SYT2: variants seen among roughly 807,000 people sequenced by gnomAD.
SYT2 encodes the protein synaptotagmin-2.
In SYT2, 15 loss-of-function variants were observed where a neutral mutation model predicts 39.9. The observed-to-expected ratio is 0.38, with a 90% CI of 0.25 to 0.58. The LOEUF (loss-of-function observed/expected upper bound fraction) is 0.58. Among genes scored for constraint, SYT2 ranks in the 20% least tolerant of loss-of-function variants. The probability of loss-of-function intolerance (pLI) is 0.70; values close to 1 mark genes in which losing one functional copy is unlikely to be tolerated. For synonymous variants in SYT2, 181 were observed against 204.5 expected, an observed-to-expected ratio of 0.89 and a Z score of 0.98; for missense variants, 389 against 530.3, an observed-to-expected ratio of 0.73 and a Z score of 2.62.
chr1:202,600,542 T>C lies in SYT2; in HGVS notation c.802-68A>G. 3.4e-6 allele frequency: 5 copies of C among 1,467,136 alleles called. No homozygotes were observed. In the Admixed American group the frequency reaches 6.7e-5, roughly 20 times the overall value. 90.9% of individuals were successfully genotyped at this position (1,467,136 alleles called of 1,614,324 possible). ...TAGTGCCTCTCTCATGGCTGACCTC[T>C]TTCTTGCCAAAATTAGCAAGGCAGT... On this transcript the variant is annotated intron_variant, in intron 6 of 8. Coordinates refer to ENST00000367268, the MANE Select transcript of SYT2 (RefSeq NM_177402.5).
intron 1 of SYT2, among the ~76,000 whole-genome samples, chr1:202,686,098 C>A (rs1422866885): frequency 7.2e-5 from 11 of 152,120 alleles, no homozygotes; most frequent in Non-Finnish European, 1.5e-5. Flanking sequence ...TGAAATGTAA[C>A]CCCCAATGTT....
chr1:202,599,413 T>G lies in SYT2; in HGVS notation c.920-62A>C, dbSNP rs1425376799. The G allele has an allele frequency of 7.2e-6, 11 of 1,537,110 alleles. No homozygotes were observed. The highest frequency in any genetic ancestry group is 1.7e-6 in the Non-Finnish European group (2 of 1,148,616). On this transcript the variant is annotated intron_variant, in intron 7 of 8. Transcript: ENST00000367268. The surrounding 1 kb of genome is among the most constrained non-coding windows in gnomAD (Gnocchi z 4.4). The stretch of plus-strand genomic sequence containing the variant: ...CTTAGCCCCCAGCCTTCCTGCCGAA[T>G]GTACCAAGGCCTGCCCAGAGCATCG...
chr1:202,691,720 AGGGAGAG>A (rs1558463339), intron 1 of SYT2, among the ~76,000 whole-genome samples: 1 of 30,216 alleles, frequency 3.3e-5, no homozygotes, highest in South Asian at 2.7e-3. Flanking sequence ...GGAGAGGGAG[AGGGAGAG>A]GGGGGGAGAG....
In SYT2 at chr1:202,705,315, G is replaced by A. The variant is rs139230496; in HGVS notation, c.-18+4943C>T. 9.1e-4 allele frequency among the ~76,000 whole-genome samples: 138 copies of A among 152,354 alleles called. 1 individual carries two copies. The East Asian group carries it at 0.014, about 15-fold the overall frequency. On this transcript the variant is annotated intron_variant, in intron 1 of 8. Coordinates refer to ENST00000367268, the MANE Select transcript of SYT2 (RefSeq NM_177402.5). ...GGACTGCAGTGATGAGAGCTTGACC[G>A]CCCTTGTGAGCCGCTCTATCCCCGA...
intron 1 of SYT2, among the ~76,000 whole-genome samples, chr1:202,656,126 GCACA>G (rs10579829): frequency 0.013 from 1,909 of 150,158 alleles, 48 homozygotes; most frequent in African/African-American, 0.044. Flanking sequence ...GCTTTGGAAC[GCACA>G]CACACACACA....
intron 1 of SYT2, among the ~76,000 whole-genome samples, chr1:202,648,844 G>A (rs1692139338): frequency 6.6e-6 from 1 of 152,210 alleles, no homozygotes; most frequent in Non-Finnish European, 1.5e-5. Context: ...CAGGGCTTGA[G>A]GTCAGACAGA....
At chr1:202,611,784 G>A (rs1211539772) in intron 1 of SYT2, among the ~76,000 whole-genome samples, 1 of 152,138 alleles carries the variant, frequency 6.6e-6, no homozygotes, top group East Asian at 1.9e-4. Context: ...TAAACCTAAG[G>A]GCACTAAGAT....
chr1:202,697,590 AG>A (rs1317621203), intron 1 of SYT2, among the ~76,000 whole-genome samples: 3 of 152,246 alleles, frequency 2.0e-5, no homozygotes, highest in African/African-American at 7.2e-5. Flanking sequence ...GAATCTGTCC[AG>A]TTTATTTGGG....
chr1:202,661,613 ATTTTT>A lies in SYT2; in HGVS notation c.-18+48640_-18+48644del, dbSNP rs879503981. Among the ~76,000 whole-genome samples, 608 of 152,068 alleles carry A rather than the reference ATTTTT, an allele frequency of 4.0e-3. 4 individuals are homozygous for A. Among genetic ancestry groups the A allele is most frequent in the Middle Eastern group, 0.01 (3 of 294 alleles). On this transcript the variant is annotated intron_variant, in intron 1 of 8. Coordinates refer to ENST00000367268, the MANE Select transcript of SYT2 (RefSeq NM_177402.5). ...AGGGGGAGCTCAGCCCGTGGCCTCA[ATTTTT>A]CATGCCAGTCCTGCATCCATCACTG...
chr1:202,642,727 C>T (rs1203992060), intron 1 of SYT2, among the ~76,000 whole-genome samples: 3 of 152,242 alleles, frequency 2.0e-5, no homozygotes, highest in African/African-American at 7.2e-5. Flanking sequence ...CCCCCCTCTG[C>T]GCCAGGGGCT....
intron 1 of SYT2, among the ~76,000 whole-genome samples, chr1:202,616,213 A>G (rs1333268810): frequency 6.6e-6 from 1 of 152,106 alleles, no homozygotes; most frequent in Non-Finnish European, 1.5e-5. Context: ...AAATCTCTCA[A>G]AATGTCCCAA....
At chr1:202,659,203 G>A (rs757912685) in intron 1 of SYT2, among the ~76,000 whole-genome samples, 4 of 152,134 alleles carry the variant, frequency 2.6e-5, no homozygotes, top group Non-Finnish European at 4.4e-5. Context: ...CCAATGCACA[G>A]CAAACTAATT....
intron 1 of SYT2, among the ~76,000 whole-genome samples, chr1:202,679,918 T>C (rs1220938284): frequency 6.6e-6 from 1 of 152,214 alleles, no homozygotes; most frequent in Admixed American, 6.5e-5. Context: ...TCCATGTTGC[T>C]TTCTCTGCCG....
At chr1:202,617,160 C>G (rs1005312851) in intron 1 of SYT2, among the ~76,000 whole-genome samples, 1 of 152,230 alleles carries the variant, frequency 6.6e-6, no homozygotes, top group African/African-American at 2.4e-5. Context: ...CACTGTATTA[C>G]CCTCTTCGGG....
intron 1 of SYT2, among the ~76,000 whole-genome samples, chr1:202,671,568 C>A (rs4084927): frequency 6.6e-6 from 1 of 152,074 alleles, no homozygotes; most frequent in East Asian, 1.9e-4. Flanking sequence ...GGCATTTGTC[C>A]CTCAGGAGGA....
intron 1 of SYT2, among the ~76,000 whole-genome samples, chr1:202,649,580 A>G (rs1420911993): frequency 1.3e-5 from 2 of 152,224 alleles, no homozygotes; most frequent in African/African-American, 4.8e-5. Flanking sequence ...ACAGTTAGAA[A>G]AGGGAAGATG....
At chr1:202,625,860 T>C (rs529015114) in intron 1 of SYT2, among the ~76,000 whole-genome samples, 40 of 152,178 alleles carry the variant, frequency 2.6e-4, no homozygotes, top group African/African-American at 9.4e-4. Context: ...GGGGGTCCTG[T>C]CTCCATCTCT....
chr1:202,612,927 T>C (rs1318855362), intron 1 of SYT2, among the ~76,000 whole-genome samples: 1 of 152,188 alleles, frequency 6.6e-6, no homozygotes, highest in Non-Finnish European at 1.5e-5. Flanking sequence ...CCTAGGTATC[T>C]TATTCTTTTT....
intron 1 of SYT2, chr1:202,639,793 G>C: frequency 1.0e-6 from 1 of 985,466 alleles, no homozygotes; most frequent in Non-Finnish European, 1.2e-6. Context: ...GGAGCCTGAG[G>C]CCAGTGCGCA....
Sources: gnomAD v4.1 joint callset for allele counts (sites outside exome capture counted in the v4.1 genomes callset) on GRCh38, gnomAD v4.1.1 for gene constraint, Gnocchi (gnomAD v3.1) non-coding constraint, MANE v1.5 for transcripts, NCBI Gene and HGNC (gene_info 2026-07-23, HGNC 2026-07-21) for gene names.